Variants in PDE10A observed in about 807,000 individuals in gnomAD.
PDE10A encodes phosphodiesterase 10A.
PDE10A carries 39 observed loss-of-function variants against 97.7 expected under a neutral mutation model. The ratio of observed to expected loss-of-function variants is 0.40; its 90% CI spans 0.31 to 0.52. The LOEUF is 0.52. PDE10A is among the 20% of genes least tolerant of loss of function. The pLI is 0.56. For missense variants in PDE10A, 731 were observed against 1,047.8 expected (o/e 0.70, Z 4.17); for synonymous variants, 371 against 376.8 (o/e 0.98, Z 0.18).
At chr6:165,424,396 C>G (rs1166571052) in intron 10 of PDE10A, among the ~76,000 whole-genome samples, 2 of 152,112 alleles carry the variant, frequency 1.3e-5, no homozygotes, top group Non-Finnish European at 2.9e-5. Flanking sequence ...AGGAATATAA[C>G]AGATTCCCAA....
intron 18 of PDE10A, among the ~76,000 whole-genome samples, chr6:165,358,104 C>A (rs1783148454): frequency 1.3e-5 from 2 of 152,030 alleles, no homozygotes. Context: ...TGTTTACTTT[C>A]CAAATGGTTG....
At chr6:165,838,259 T>C (rs1780120519) in intron 1 of PDE10A, among the ~76,000 whole-genome samples, 3 of 152,348 alleles carry the variant, frequency 2.0e-5, no homozygotes, top group South Asian at 4.1e-4. Flanking sequence ...CCCACATTAA[T>C]GGAATGCCTT....
chr6:165,770,215 T>C (rs1777967998), intron 1 of PDE10A, among the ~76,000 whole-genome samples: 1 of 147,426 alleles, frequency 6.8e-6, no homozygotes, highest in African/African-American at 2.5e-5. Flanking sequence ...ATGAGTTCCA[T>C]GAAGTTTCTC....
chr6:165,604,649 G>T (rs561124496), intron 1 of PDE10A, among the ~76,000 whole-genome samples: 46 of 152,340 alleles, frequency 3.0e-4, no homozygotes, highest in African/African-American at 1.1e-3. Context: ...CATGGAATGG[G>T]ATACTACTTA....
At chr6:165,527,242 C>T (rs577129439) in intron 2 of PDE10A, among the ~76,000 whole-genome samples, 56 of 152,332 alleles carry the variant, frequency 3.7e-4, no homozygotes, top group Admixed American at 1.0e-3. Context: ...CCACACATTT[C>T]TCATTTGGTT....
At chr6:165,702,098 C>A (rs1309217983) in intron 1 of PDE10A, among the ~76,000 whole-genome samples, 1 of 152,172 alleles carries the variant, frequency 6.6e-6, no homozygotes, top group Non-Finnish European at 1.5e-5. Flanking sequence ...CCGTAAGTGG[C>A]AAAACCATGT....
At chr6:165,657,671 C>A (rs865871572) in intron 1 of PDE10A, among the ~76,000 whole-genome samples, 9 of 152,134 alleles carry the variant, frequency 5.9e-5, no homozygotes, top group Admixed American at 2.0e-4. Flanking sequence ...CAGATGACAC[C>A]ATCTTCTAAT....
intron 19 of PDE10A, among the ~76,000 whole-genome samples, 163 bp downstream of exon 19, chr6:165,343,228 A>G (rs1373769535): frequency 6.6e-6 from 1 of 152,238 alleles, no homozygotes; most frequent in Non-Finnish European, 1.5e-5. Context: ...AAGAATGATC[A>G]TTCTCTCTTT....
At chr6:165,678,580 G>A (rs1197663115) in intron 1 of PDE10A, among the ~76,000 whole-genome samples, 3 of 151,940 alleles carry the variant, frequency 2.0e-5, no homozygotes, top group South Asian at 2.1e-4. Flanking sequence ...TATTCTGCCC[G>A]CCGCTTGGAA....
rs906112468 is a variant in PDE10A at position 165,819,153 on chromosome 6, T to G, written c.-615+168376A>C. ...TCCAAAACCAGTTTTCAAAACCGAG[T>G]TCATCTCTGCACCTGCTCCCTCATC... is the stretch of plus-strand genomic sequence containing the variant. On this transcript the variant is annotated intron_variant, in intron 1 of 19. Transcript: ENST00000366882. The surrounding 1 kb of genome is among the most constrained non-coding windows in gnomAD (Gnocchi z 4.2). 1.3e-5 allele frequency among the ~76,000 whole-genome samples: 2 copies of G among 151,850 alleles called. No individual in the cohort carries two copies. The highest frequency in any genetic ancestry group is 4.8e-5 in the African/African-American group (2 of 41,310).
chr6:165,769,271 TTAAA>T (rs1777942642), intron 1 of PDE10A, among the ~76,000 whole-genome samples: 1 of 152,170 alleles, frequency 6.6e-6, no homozygotes, highest in Non-Finnish European at 1.5e-5. Context: ...TTTAATTAAG[TTAAA>T]TAACCACATG....
chr6:165,526,646 A>G (rs2128311918), intron 2 of PDE10A, among the ~76,000 whole-genome samples: 1 of 152,336 alleles, frequency 6.6e-6, no homozygotes, highest in South Asian at 2.1e-4. Context: ...ATCTTGGAGA[A>G]TGACAGTGGA....
At chr6:165,413,462 T>A (rs753741133) in intron 13 of PDE10A, 39 bp downstream of exon 13, 2 of 1,381,696 alleles carry the variant, frequency 1.4e-6, no homozygotes, top group African/African-American at 1.4e-5. Context: ...CAAATTAATA[T>A]TGAGTAGTAA....
At chr6:165,769,492 A>G (rs1391911581) in intron 1 of PDE10A, among the ~76,000 whole-genome samples, 1 of 152,230 alleles carries the variant, frequency 6.6e-6, no homozygotes, top group Non-Finnish European at 1.5e-5. Flanking sequence ...ACAGTGATGC[A>G]TATGGCTAGA....
intron 1 of PDE10A, among the ~76,000 whole-genome samples, chr6:165,590,711 G>A (rs1786203907): frequency 6.6e-6 from 1 of 152,142 alleles, no homozygotes; most frequent in Non-Finnish European, 1.5e-5. Flanking sequence ...CTAACACGGT[G>A]AAACCCCGTC....
At chr6:165,923,799 C>T (rs569904918) in intron 1 of PDE10A, among the ~76,000 whole-genome samples, 1 of 151,858 alleles carries the variant, frequency 6.6e-6, no homozygotes, top group African/African-American at 2.4e-5. Context: ...GAAAATTGCA[C>T]AAATTTAACT....
At chr6:165,793,427 C>T (rs1052261203) in intron 1 of PDE10A, among the ~76,000 whole-genome samples, 2 of 151,998 alleles carry the variant, frequency 1.3e-5, no homozygotes, top group Admixed American at 6.5e-5. Flanking sequence ...AAGCAGAGGG[C>T]ATTCTGGACA....
At chr6:165,568,119 C>T (rs930039954) in intron 1 of PDE10A, among the ~76,000 whole-genome samples, 3 of 151,616 alleles carry the variant, frequency 2.0e-5, no homozygotes. Context: ...CTGCCTCAGC[C>T]TCCCGAGTAG....
At chr6:165,396,801 T>C (rs1482319432) in intron 13 of PDE10A, among the ~76,000 whole-genome samples, 1 of 152,204 alleles carries the variant, frequency 6.6e-6, no homozygotes, top group African/African-American at 2.4e-5. Flanking sequence ...AAAATGAATA[T>C]TTGTACTTTT....
Sources: gnomAD v4.1 joint callset for allele counts (sites outside exome capture counted in the v4.1 genomes callset) on GRCh38, gnomAD v4.1.1 for gene constraint, Gnocchi (gnomAD v3.1) non-coding constraint, MANE v1.5 for transcripts, NCBI Gene and HGNC (gene_info 2026-07-23, HGNC 2026-07-21) for gene names.